The following POLA1 variants were observed in gnomAD, a reference collection of about 807,000 sequenced individuals.
The protein encoded by POLA1 is DNA polymerase alpha catalytic subunit.
In POLA1, 15 loss-of-function variants were observed where a neutral mutation model predicts 124.0. That is an observed-to-expected ratio of 0.12 (90% CI 0.08 to 0.19). POLA1 has a LOEUF of 0.19. POLA1 is among the 10% of genes least tolerant of loss of function. POLA1 has a pLI of 1.00. For missense variants in POLA1, 886 were observed against 1,103.4 expected (o/e 0.80, Z 2.79); for synonymous variants, 408 against 389.4 (o/e 1.05, Z -0.56).
chrX:24,889,601 A>G (rs2147141790), intron 35 of POLA1, among the ~76,000 whole-genome samples: 1 of 112,552 alleles, frequency 8.9e-6, no homozygotes, highest in Non-Finnish European at 1.9e-5. Flanking sequence ...TTACTTCTTA[A>G]ATGCAGAGGC....
At chrX:24,881,880 A>T (rs140788351) in intron 34 of POLA1, among the ~76,000 whole-genome samples, 1 of 111,653 alleles carries the variant, frequency 9.0e-6, no homozygotes, top group East Asian at 2.8e-4. Flanking sequence ...TGAGAAAACC[A>T]ATCTGATTGG....
At chrX:24,763,242 T>C (rs773926931) in intron 26 of POLA1, among the ~76,000 whole-genome samples, 5 of 110,502 alleles carry the variant, frequency 4.5e-5, no homozygotes, top group African/African-American at 9.9e-5. Flanking sequence ...GACCCAGATA[T>C]GAGAGAGATT....
At chrX:24,786,775 C>T (rs1314124607) in intron 26 of POLA1, among the ~76,000 whole-genome samples, 1 of 101,090 alleles carries the variant, frequency 9.9e-6, no homozygotes, top group Non-Finnish European at 2.0e-5. Flanking sequence ...GCAGTCTCAA[C>T]CTCCCAGGCT....
chrX:24,899,033 G>A (rs2047240982), intron 35 of POLA1, among the ~76,000 whole-genome samples: 1 of 111,085 alleles, frequency 9.0e-6, no homozygotes, highest in Non-Finnish European at 1.9e-5. Flanking sequence ...ATATTTAAAT[G>A]TAATCATATC....
Position 24,841,688 on chromosome X carries a change from A to T in POLA1, c.3773A>T (p.His1258Leu). The change falls in exon 33 of 37, where the codon CAT becomes CTT. Residue 1258 changes from histidine (H) to leucine (L), a missense_variant. By Grantham distance (99) the His-to-Leu change is moderately conservative. Transcript: ENST00000379068. ...ACCCAATTTAGAGTTCATCATTATC[A>T]TAAAGATGAAGAGAATGATGCTCTA... ...DPTQFRVHHY[H>L]KDEENDALLG... is the part of the protein sequence containing the mutation. 5.0e-6 allele frequency: 6 copies of T among 1,190,072 alleles called. No individual in the cohort carries two copies. The highest frequency in any genetic ancestry group is 6.8e-6 in the Non-Finnish European group (6 of 881,359).
chrX:24,850,012 A>G (rs905663471), intron 34 of POLA1, among the ~76,000 whole-genome samples: 3 of 111,909 alleles, frequency 2.7e-5, no homozygotes, highest in Non-Finnish European at 3.8e-5. Flanking sequence ...GCCTCCAGCA[A>G]TCCTCCCTCC....
chrX:24,953,758 G>A (rs1411867411), intron 36 of POLA1, among the ~76,000 whole-genome samples: 1 of 112,288 alleles, frequency 8.9e-6, no homozygotes, highest in African/African-American at 3.2e-5. Flanking sequence ...ATGTGCACCT[G>A]CTGGAAGCAC....
At position 24,732,420 on chromosome X, in the gene POLA1, A is replaced by G. The variant is rs754944023; in HGVS notation, c.1737A>G (p.Ala579=). The change falls in exon 16 of 37, where the codon GCA becomes GCG. Residue 579 remains alanine, a synonymous_variant. Coordinates refer to ENST00000379068, the MANE Select transcript of POLA1 (RefSeq NM_001330360.2). ...LVHHSFALDK[A]APKPPFQSHF... ...ATCACAGTTTTGCATTGGATAAAGC[A>G]GCCCCAAAGCCTCCCTTTCAGTCAC... 6.7e-6 allele frequency: 8 copies of G among 1,187,381 alleles called. No homozygotes were observed. The highest frequency in any genetic ancestry group is 3.0e-5 in the East Asian group (1 of 33,664).
At chrX:24,958,762 AGT>A (rs1199568685) in intron 36 of POLA1, among the ~76,000 whole-genome samples, 1 of 111,904 alleles carries the variant, frequency 8.9e-6, no homozygotes, top group Non-Finnish European at 1.9e-5. Context: ...TTTTCCTGAC[AGT>A]GTGTTACTTT....
intron 17 of POLA1, among the ~76,000 whole-genome samples, chrX:24,734,522 A>T (rs767373162): frequency 8.9e-6 from 1 of 111,864 alleles, no homozygotes; most frequent in East Asian, 2.8e-4. Flanking sequence ...TGAGAAGTCC[A>T]GTAGTTGGGA....
At chrX:24,795,236 C>G (rs1476313079) in intron 26 of POLA1, among the ~76,000 whole-genome samples, 1 of 110,977 alleles carries the variant, frequency 9.0e-6, no homozygotes, top group African/African-American at 3.3e-5. Flanking sequence ...AGGAACTGAT[C>G]TGTAGTTGGT....
intron 35 of POLA1, among the ~76,000 whole-genome samples, chrX:24,906,229 C>G (rs946481483): frequency 1.8e-5 from 2 of 112,011 alleles, no homozygotes; most frequent in Non-Finnish European, 3.8e-5. Context: ...GCATAATTTG[C>G]AATTGCAAAA....
intron 26 of POLA1, among the ~76,000 whole-genome samples, chrX:24,780,577 CTGTTT>C (rs2045242573): frequency 1.8e-5 from 2 of 111,278 alleles, no homozygotes; most frequent in Non-Finnish European, 3.8e-5. Flanking sequence ...TTGTTTTGTT[CTGTTT>C]TATTTTTTAG....
intron 1 of POLA1, among the ~76,000 whole-genome samples, chrX:24,694,234 G>T (rs1213576022): frequency 8.9e-6 from 1 of 112,694 alleles, no homozygotes; most frequent in Admixed American, 9.3e-5. Flanking sequence ...CTCTGCCACT[G>T]AGAGTCTCCA....
intron 30 of POLA1, among the ~76,000 whole-genome samples, chrX:24,817,337 C>T (rs1372301953): frequency 2.7e-5 from 3 of 111,184 alleles, no homozygotes; most frequent in Non-Finnish European, 5.7e-5. Context: ...CGGCCGGGCG[C>T]GGTGGCTTGT....
intron 32 of POLA1, among the ~76,000 whole-genome samples, chrX:24,833,706 C>T (rs1364821129): frequency 8.9e-6 from 1 of 112,277 alleles, no homozygotes; most frequent in Non-Finnish European, 1.9e-5. Context: ...TGTTATAAGA[C>T]AAGCAATCTT....
intron 31 of POLA1, among the ~76,000 whole-genome samples, chrX:24,822,345 T>C (rs1177782131): frequency 8.9e-6 from 1 of 112,549 alleles, no homozygotes; most frequent in Non-Finnish European, 1.9e-5. Flanking sequence ...CTACTTACCA[T>C]AAGGTATAAT....
chrX:24,955,816 G>C (rs1285797348), intron 36 of POLA1, among the ~76,000 whole-genome samples: 1 of 111,796 alleles, frequency 8.9e-6, no homozygotes, highest in Non-Finnish European at 1.9e-5. Context: ...TCAGAGATGT[G>C]TAGATTTGTT....
At chrX:24,826,330 G>T (rs1396342115) in intron 31 of POLA1, 97 bp from the exon 32 acceptor site, 1 of 529,182 alleles carries the variant, frequency 1.9e-6, no homozygotes, top group Non-Finnish European at 2.9e-6. Context: ...TTAAATTGTT[G>T]CCTCTCTGTT....
Sources: allele counts gnomAD v4.1 joint callset (sites outside exome capture counted in the v4.1 genomes callset), GRCh38; gene constraint gnomAD v4.1.1; transcripts MANE v1.5; gene names NCBI Gene and HGNC (gene_info 2026-07-23, HGNC 2026-07-21).